SCN11A: variants seen among roughly 807,000 people sequenced by gnomAD.
SCN11A encodes sodium channel protein type 11 subunit alpha.
SCN11A carries 122 observed loss-of-function variants against 162.2 expected under a neutral mutation model. That is an observed-to-expected ratio of 0.75 (90% confidence interval 0.65 to 0.87). The LOEUF is 0.87. Ranked by LOEUF, SCN11A falls within the 40% of genes least tolerant of loss-of-function variation. The pLI is 0.00. For synonymous variants in SCN11A, 758 were observed against 751.5 expected, an observed-to-expected ratio of 1.01 and a Z score of -0.14; for missense variants, 2,015 against 2,181.6, an observed-to-expected ratio of 0.92 and a Z score of 1.52.
At chr3:38,942,260 A>T (rs2066453658) in intron 7 of SCN11A, among the ~76,000 whole-genome samples, 1 of 152,196 alleles carries the variant, frequency 6.6e-6, no homozygotes, top group Non-Finnish European at 1.5e-5. Context: ...AATCATAGAT[A>T]GAGATTTCAA....
intron 2 of SCN11A, among the ~76,000 whole-genome samples, chr3:38,983,185 G>A (rs2030120870): frequency 1.3e-5 from 2 of 152,152 alleles, no homozygotes; most frequent in Admixed American, 6.5e-5. Context: ...TGCTGCGTGT[G>A]GGTTTGTGGC....
intron 2 of SCN11A, among the ~76,000 whole-genome samples, chr3:39,009,479 T>C (rs1195290992): frequency 2.0e-5 from 3 of 150,990 alleles, no homozygotes; most frequent in African/African-American, 7.3e-5. Context: ...TGGAAAGGGC[T>C]CTTGAGACCA....
chr3:38,893,182 C>A lies in SCN11A; in HGVS notation c.2835+1351G>T, dbSNP rs189481115. On this transcript the variant is annotated intron_variant, in intron 19 of 29. Transcript: ENST00000302328. ...AAAGGATGGAAAAAGACATGTTATG[C>A]AAACAGCAACCATAAAAGAAGCTGG... Among the ~76,000 whole-genome samples the A allele has an allele frequency of 2.3e-3, 356 of 152,152 alleles. 2 individuals carry two copies. Among genetic ancestry groups the A allele is most frequent in the African/African-American group, 7.1e-3 (296 of 41,538 alleles).
At chr3:38,969,011 C>T (rs767893346) in intron 2 of SCN11A, among the ~76,000 whole-genome samples, 2 of 152,146 alleles carry the variant, frequency 1.3e-5, no homozygotes, top group African/African-American at 2.4e-5. Flanking sequence ...TCTTTATGCC[C>T]GTCACAGCCC....
chr3:38,985,689 C>G (rs574716211), intron 2 of SCN11A, among the ~76,000 whole-genome samples: 1 of 151,092 alleles, frequency 6.6e-6, no homozygotes, highest in East Asian at 1.9e-4. Context: ...AGCATAAATG[C>G]ATTTGCCATT....
intron 7 of SCN11A, among the ~76,000 whole-genome samples, chr3:38,945,007 A>G (rs1405748472): frequency 6.6e-6 from 1 of 152,174 alleles, no homozygotes; most frequent in African/African-American, 2.4e-5. Flanking sequence ...TATTTTTGGC[A>G]TAGTGAACTC....
chr3:38,970,917 T>G (rs1400260944), intron 2 of SCN11A, among the ~76,000 whole-genome samples: 4 of 152,124 alleles, frequency 2.6e-5, no homozygotes, highest in Non-Finnish European at 4.4e-5. Context: ...GATCTCCCAA[T>G]CCCTAGACCC....
intron 28 of SCN11A, among the ~76,000 whole-genome samples, chr3:38,857,503 TA>T (rs2064889106): frequency 1.3e-5 from 2 of 151,948 alleles, no homozygotes; most frequent in African/African-American, 4.8e-5. Context: ...AATTTGGGAT[TA>T]TGTTAAATGG....
At chr3:39,037,497 C>T (rs1034046901) in intron 1 of SCN11A, among the ~76,000 whole-genome samples, 5 of 152,006 alleles carry the variant, frequency 3.3e-5, no homozygotes, top group African/African-American at 7.2e-5. Flanking sequence ...ATGTTTGTAA[C>T]GCAAAGAAAT....
At chr3:38,874,315 T>C (rs1289646107) in intron 23 of SCN11A, among the ~76,000 whole-genome samples, 1 of 152,152 alleles carries the variant, frequency 6.6e-6, no homozygotes, top group African/African-American at 2.4e-5. Context: ...ATTTTTGCCA[T>C]GGCTGGGCAC....
At chr3:38,943,231 T>C (rs192057441) in intron 7 of SCN11A, among the ~76,000 whole-genome samples, 82 of 152,276 alleles carry the variant, frequency 5.4e-4, no homozygotes, top group Non-Finnish European at 9.1e-4. Context: ...GTATCATACA[T>C]AGCATATGAA....
At chr3:38,893,739 C>T (rs2065539028) in intron 19 of SCN11A, among the ~76,000 whole-genome samples, 1 of 151,308 alleles carries the variant, frequency 6.6e-6, no homozygotes, top group Non-Finnish European at 1.5e-5. Context: ...AAATATTAAA[C>T]AACACATTTT....
intron 19 of SCN11A, among the ~76,000 whole-genome samples, chr3:38,889,566 G>A (rs772886785): frequency 6.6e-6 from 1 of 152,008 alleles, no homozygotes. Context: ...TTGGGAGGCC[G>A]AGGAGAGCAG....
At chr3:39,022,506 T>C (rs2031477298) in intron 2 of SCN11A, among the ~76,000 whole-genome samples, 1 of 152,148 alleles carries the variant, frequency 6.6e-6, no homozygotes, top group Non-Finnish European at 1.5e-5. Context: ...ACTTCCTAGG[T>C]AAAGTATAGA....
intron 2 of SCN11A, among the ~76,000 whole-genome samples, chr3:38,976,678 CT>C (rs1409792429): frequency 6.6e-6 from 1 of 152,154 alleles, no homozygotes; most frequent in East Asian, 1.9e-4. Flanking sequence ...CACACTTGAT[CT>C]TAGCAGTTCT....
chr3:38,864,102 A>G (rs1419162438), intron 27 of SCN11A, among the ~76,000 whole-genome samples: 1 of 152,166 alleles, frequency 6.6e-6, no homozygotes, highest in Non-Finnish European at 1.5e-5. Flanking sequence ...CTTTGCAAGA[A>G]TATGGGACTA....
At chr3:38,853,885 T>A (rs945552201) in intron 28 of SCN11A, among the ~76,000 whole-genome samples, 5 of 152,172 alleles carry the variant, frequency 3.3e-5, no homozygotes, top group Non-Finnish European at 7.3e-5. Context: ...CTCTAAAGTA[T>A]GTATACAACA....
In SCN11A at chr3:38,846,555, T is replaced by C. The variant is rs540441257; in HGVS notation, c.*139A>G. 8 of 659,758 alleles carry C rather than the reference T, an allele frequency of 1.2e-5. No homozygotes were observed. The South Asian group carries it at 1.4e-4, about 11-fold the overall frequency. The allele number at this position is 659,758 out of a possible 1,614,324, so 40.9% of individuals were successfully genotyped here. ...TATTTAAAATGAAATTGAAATATCA[T>C]TTATTTTAGCCAGAAAAGAAAATGG... is the stretch of plus-strand genomic sequence containing the variant. On this transcript the variant is annotated 3_prime_UTR_variant, in exon 30 of 30. Coordinates refer to ENST00000302328, the MANE Select transcript of SCN11A (RefSeq NM_001349253.2).
rs938974086 is a variant in SCN11A, at chr3:39,041,848, G to T, written c.-403-9345C>A. On this transcript the variant is annotated intron_variant, in intron 1 of 29. Transcript: ENST00000302328. ...TAAATTAGAGAAAGAAAAGAACAAA[G>T]AATTTCAAAACAACTAGAAAACAAT... Among the ~76,000 whole-genome samples, 13 of 152,094 alleles carry T rather than the reference G, an allele frequency of 8.5e-5. No homozygotes were observed. In the East Asian group the frequency reaches 1.9e-3, roughly 23 times the overall value.
Sources: gnomAD v4.1 joint callset for allele counts (sites outside exome capture counted in the v4.1 genomes callset) on GRCh38, gnomAD v4.1.1 for gene constraint, MANE v1.5 for transcripts, NCBI Gene and HGNC (gene_info 2026-07-23, HGNC 2026-07-21) for gene names.